CHD6: variants seen among roughly 807,000 people sequenced by gnomAD.
CHD6 encodes chromodomain helicase DNA binding protein 6.
CHD6 carries 50 observed loss-of-function variants against 276.9 expected under a neutral mutation model. The ratio of observed to expected loss-of-function variants is 0.18; its 90% CI spans 0.14 to 0.23. The LOEUF (loss-of-function observed/expected upper bound fraction) is 0.23. CHD6 is among the 10% of genes least tolerant of loss of function. The pLI is 1.00. For missense variants in CHD6, 2,564 were observed against 3,365.8 expected (o/e 0.76, Z 5.89); for synonymous variants, 1,173 against 1,229.3 (o/e 0.95, Z 0.96).
Position 41,483,445 on chromosome 20 carries a change from T to C in CHD6, c.2332A>G (p.Met778Val), listed in dbSNP as rs144789270. 6.2e-7 allele frequency: 1 copy of C among 1,613,796 alleles called. No homozygotes were observed. Among genetic ancestry groups the C allele is most frequent in the Non-Finnish European group, 8.5e-7 (1 of 1,179,846 alleles). Residue 778 changes from methionine to valine, a missense_variant, in exon 16 of 37, where the codon ATG becomes GTG. Physicochemically the swap from Met to Val is conservative, Grantham distance 21 (BLOSUM62 1). Transcript: ENST00000373233. ...ACAAGCTTTCCTGCTGCCTGAATCA[T>C]GGCCTGCAGCTGAAAGTCAGGGGCA... is the stretch of plus-strand genomic sequence containing the variant. ...PDAPDFQLQA[M>V]IQAAGKLVLI... is the part of the protein sequence containing the mutation.
At position 41,404,008 on chromosome 20, in the gene CHD6, TTTG is replaced by T. The variant is rs778728605; in HGVS notation, c.*582_*584del. The T allele has an allele frequency of 1.5e-4, 155 of 1,051,914 alleles. No individual in the cohort carries two copies. Among genetic ancestry groups the T allele is most frequent in the Non-Finnish European group, 1.7e-4 (149 of 870,896 alleles). 65.2% of individuals were successfully genotyped at this position (1,051,914 alleles called of 1,614,324 possible). ...AAATTATATTACTACCGGTAAGGTT[TTTG>T]TTTTTTATAAAGAAATGAATATATG... On this transcript the variant is annotated 3_prime_UTR_variant, in exon 37 of 37. Coordinates refer to ENST00000373233, the MANE Select transcript of CHD6 (RefSeq NM_032221.5).
chr20:41,421,233 T>C lies in CHD6; in HGVS notation c.5402A>G (p.Asn1801Ser), dbSNP rs56144026. 28,620 of 1,613,866 alleles carry C rather than the reference T, an allele frequency of 0.018. 381 individuals carry two copies. The highest frequency in any genetic ancestry group is 0.048 in the East Asian group (2,141 of 44,890). Residue 1801 changes from asparagine (N) to serine (S), a missense_variant, in exon 31 of 37, where the codon AAC becomes AGC. Asn to Ser is a conservative substitution (Grantham distance 46). Transcript: ENST00000373233. ...CCSEAGQRPE[N>S]IGQLEAKCLA... ...ACACTTGGCTTCCAGCTGGCCAATG[T>C]TTTCAGGTCTCTGTCCTGCCTCACT...
intron 2 of CHD6, chr20:41,547,879 T>C (rs775875466): frequency 6.6e-5 from 24 of 361,390 alleles, no homozygotes; most frequent in Non-Finnish European, 1.2e-4. Context: ...CCTCATGACA[T>C]CATGGATGGC....
At chr20:41,420,262 C>G (rs564088937) in intron 31 of CHD6, among the ~76,000 whole-genome samples, 2 of 152,308 alleles carry the variant, frequency 1.3e-5, no homozygotes, top group South Asian at 4.1e-4. Flanking sequence ...ACACAAGCCC[C>G]TGCCCAAATT....
intron 1 of CHD6, among the ~76,000 whole-genome samples, chr20:41,578,728 T>C (rs1350993211): frequency 6.6e-6 from 1 of 150,942 alleles, no homozygotes; most frequent in Non-Finnish European, 1.5e-5. Flanking sequence ...AGAAATTTTC[T>C]ATAATAAAAA....
chr20:41,417,115 A>G, intron 32 of CHD6, 83 bp downstream of exon 32: 1 of 1,280,980 alleles, frequency 7.8e-7, no homozygotes, highest in South Asian at 1.4e-5. Flanking sequence ...CTTGTTCAGA[A>G]CTATTTCTAA....
At chr20:41,486,465 T>G (rs576415178) in intron 14 of CHD6, among the ~76,000 whole-genome samples, 2 of 152,236 alleles carry the variant, frequency 1.3e-5, no homozygotes, top group South Asian at 2.1e-4. Context: ...AGGGCAAATG[T>G]AGGAATTAAG....
chr20:41,527,539 A>G (rs958365936), intron 3 of CHD6, among the ~76,000 whole-genome samples: 1 of 152,224 alleles, frequency 6.6e-6, no homozygotes, highest in Non-Finnish European at 1.5e-5. Context: ...CTGGATATAG[A>G]GTAAAAGAAT....
At chr20:41,490,303 C>T (rs2043517660) in intron 11 of CHD6, among the ~76,000 whole-genome samples, 1 of 152,128 alleles carries the variant, frequency 6.6e-6, no homozygotes, top group African/African-American at 2.4e-5. Context: ...ATTGTGGGAA[C>T]ATCATAGAGT....
chr20:41,515,527 C>T (rs1016901470), intron 3 of CHD6, among the ~76,000 whole-genome samples: 4 of 152,172 alleles, frequency 2.6e-5, no homozygotes, highest in African/African-American at 9.6e-5. Context: ...ATCCACCCTG[C>T]AAGGCCCTGC....
chr20:41,476,752 G>T (rs909648106), intron 16 of CHD6, among the ~76,000 whole-genome samples: 30 of 151,274 alleles, frequency 2.0e-4, no homozygotes, highest in African/African-American at 6.6e-4. Context: ...GTAGTGAAAA[G>T]CATGTTCTTT....
chr20:41,512,170 G>T (rs2044134803), intron 5 of CHD6, among the ~76,000 whole-genome samples: 1 of 150,862 alleles, frequency 6.6e-6, no homozygotes, highest in Admixed American at 6.6e-5. Context: ...TTGCCATGTT[G>T]CCCATGTTGA....
At chr20:41,411,934 A>T (rs1451205718) in intron 36 of CHD6, among the ~76,000 whole-genome samples, 1 of 152,256 alleles carries the variant, frequency 6.6e-6, no homozygotes, top group Non-Finnish European at 1.5e-5. Flanking sequence ...AAGGGTTGAA[A>T]ACAAATGACC....
intron 13 of CHD6, 90 bp from the exon 14 acceptor site, chr20:41,487,898 C>T: frequency 7.3e-7 from 1 of 1,378,566 alleles, no homozygotes. Context: ...GCATTGAGTG[C>T]TCAATTTGGG....
At chr20:41,475,454 CAT>C (rs1256488028) in intron 16 of CHD6, among the ~76,000 whole-genome samples, 1 of 152,122 alleles carries the variant, frequency 6.6e-6, no homozygotes, top group Non-Finnish European at 1.5e-5. Context: ...ATGGAGAATA[CAT>C]AAGGGACACT....
chr20:41,464,629 T>C (rs2042876109), intron 17 of CHD6, among the ~76,000 whole-genome samples: 2 of 152,176 alleles, frequency 1.3e-5, no homozygotes, highest in African/African-American at 2.4e-5. Flanking sequence ...AGAATAAATA[T>C]AGCTGTGTGG....
chr20:41,493,861 C>T lies in CHD6; in HGVS notation c.1176G>A (p.Gly392=). The part of the protein sequence containing the change: ...EVAHTKDAET[G]EEVTHYLVKW... Reference sequence around the variant, plus strand: ...TTCAGGAGAGGCAAATACCCACCTCCCCTGTTTCTGCATCCTTGGTGTGGG... The same window carrying T: ...TTCAGGAGAGGCAAATACCCACCTCTCCTGTTTCTGCATCCTTGGTGTGGG... The change falls in exon 9 of 37, where the codon GGG becomes GGA. Residue 392 remains glycine, a synonymous_variant. Coordinates refer to ENST00000373233, the MANE Select transcript of CHD6 (RefSeq NM_032221.5). 6.2e-7 allele frequency: 1 copy of T among 1,612,450 alleles called. No homozygotes were observed. Among genetic ancestry groups the T allele is most frequent in the South Asian group, 1.1e-5 (1 of 91,048 alleles).
At chr20:41,557,549 C>T (rs1449536246) in intron 1 of CHD6, among the ~76,000 whole-genome samples, 1 of 152,132 alleles carries the variant, frequency 6.6e-6, no homozygotes, top group African/African-American at 2.4e-5. Flanking sequence ...CCCTATTCAA[C>T]CATTTATTCA....
At chr20:41,440,223 G>T in intron 25 of CHD6, 94 bp from the exon 26 acceptor site, 1 of 1,137,704 alleles carries the variant, frequency 8.8e-7, no homozygotes, top group Non-Finnish European at 1.3e-6. Context: ...ATTTAGTAAA[G>T]AACAAAACAA....
Sources: allele counts gnomAD v4.1 joint callset (sites outside exome capture counted in the v4.1 genomes callset), GRCh38; gene constraint gnomAD v4.1.1; transcripts MANE v1.5; gene names NCBI Gene and HGNC (gene_info 2026-07-23, HGNC 2026-07-21).